FARP1: variants seen among roughly 807,000 people sequenced by gnomAD.
The protein encoded by FARP1 is FERM, ARH/RhoGEF and pleckstrin domain protein 1.
A neutral mutation model predicts 128.8 loss-of-function variants in FARP1; 52 were observed. The observed-to-expected ratio is 0.40, with a 90% CI of 0.32 to 0.51. The LOEUF (loss-of-function observed/expected upper bound fraction) is 0.51, where lower values mean the gene tolerates loss of function less well. FARP1 is among the 20% of genes least tolerant of loss of function. The pLI, the probability that FARP1 is intolerant of heterozygous loss-of-function variation, is 0.45. For missense variants in FARP1, 1,333 were observed against 1,367.9 expected (o/e 0.97, Z 0.40); for synonymous variants, 580 against 551.8 (o/e 1.05, Z -0.72).
At chr13:98,381,408 G>A (rs935681802) in intron 6 of FARP1, 3 of 152,148 alleles carry the variant, frequency 2.0e-5, no homozygotes, top group African/African-American at 4.8e-5. Context: ...ATCTGCTGTC[G>A]TCTTATTTTC....
At chr13:98,397,710 G>A (rs1417637650) in intron 13 of FARP1, 1 of 151,904 alleles carries the variant, frequency 6.6e-6, no homozygotes, top group East Asian at 1.9e-4. Flanking sequence ...GTGCTCCTTG[G>A]GCTTCCCAGC....
chr13:98,440,768 A>G lies in FARP1; in HGVS notation c.2728A>G (p.Thr910Ala). 1.2e-6 allele frequency: 2 copies of G among 1,613,298 alleles called. No individual in the cohort carries two copies. The highest frequency in any genetic ancestry group is 1.7e-6 in the Non-Finnish European group (2 of 1,179,952). ...LERQAPHRGN[T>A]MVHVCWHRNT... ...GCGCCAGGCCCCGCACCGCGGCAACACAATGGTGCACGTGTGCTGGCACCG... is the reference window on the plus strand; with the variant it reads ...GCGCCAGGCCCCGCACCGCGGCAACGCAATGGTGCACGTGTGCTGGCACCG... The change falls in exon 24 of 27, where the codon ACA becomes GCA. Residue 910 changes from threonine to alanine, a missense_variant. Around this residue, in one of 2 missense-constraint regions of FARP1, gnomAD observed 1,009 missense variants for 969.8 expected, o/e 1.04. Transcript: ENST00000319562.
At chr13:98,208,092 A>G (rs1163146658) in intron 1 of FARP1, among the ~76,000 whole-genome samples, 2 of 152,120 alleles carry the variant, frequency 1.3e-5, no homozygotes, top group African/African-American at 4.8e-5. Flanking sequence ...GAACCAAAGC[A>G]GAGATCACAC....
intron 13 of FARP1, chr13:98,405,051 C>G (rs941261505): frequency 9.9e-5 from 15 of 152,152 alleles, no homozygotes; most frequent in African/African-American, 3.4e-4. Flanking sequence ...AAATGTTTTT[C>G]TTTTCCCAGA....
intron 9 of FARP1, 73 bp from the exon 10 acceptor site, chr13:98,389,884 G>A: frequency 7.0e-7 from 1 of 1,430,032 alleles, no homozygotes. Context: ...GCTATCTTCT[G>A]CCCCTTTTCT....
At chr13:98,202,145 T>G (rs999513268) in intron 1 of FARP1, among the ~76,000 whole-genome samples, 1 of 152,202 alleles carries the variant, frequency 6.6e-6, no homozygotes, top group African/African-American at 2.4e-5. Flanking sequence ...TTCTAGTTTA[T>G]CTCCACCCCA....
intron 2 of FARP1, among the ~76,000 whole-genome samples, chr13:98,276,737 G>A (rs1884671065): frequency 1.3e-5 from 2 of 152,180 alleles, no homozygotes. Flanking sequence ...AAGAATAAAT[G>A]AACCATAATA....
chr13:98,177,654 A>G (rs1878186487), intron 1 of FARP1, among the ~76,000 whole-genome samples: 2 of 117,036 alleles, frequency 1.7e-5, no homozygotes, highest in Admixed American at 1.7e-4. Flanking sequence ...CTCAAATTAA[A>G]AAAAAAAAAA....
intron 1 of FARP1, among the ~76,000 whole-genome samples, chr13:98,149,013 A>G (rs1369420647): frequency 6.6e-6 from 1 of 151,990 alleles, no homozygotes; most frequent in Non-Finnish European, 1.5e-5. Context: ...CGGCCTCCCA[A>G]GTAGCTGGAA....
At chr13:98,414,025 C>T (rs1891287795) in intron 16 of FARP1, among the ~76,000 whole-genome samples, 1 of 152,124 alleles carries the variant, frequency 6.6e-6, no homozygotes, top group African/African-American at 2.4e-5. Flanking sequence ...TGGCTGGCTC[C>T]CCATTGGAGG....
At chr13:98,381,849 A>G (rs546184456) in intron 6 of FARP1, among the ~76,000 whole-genome samples, 1 of 152,304 alleles carries the variant, frequency 6.6e-6, no homozygotes, top group South Asian at 2.1e-4. Context: ...TTCAGCATAA[A>G]ACATTTAAAA....
chr13:98,221,686 ATTTTC>A (rs1250601758), intron 2 of FARP1, among the ~76,000 whole-genome samples: 2 of 152,010 alleles, frequency 1.3e-5, no homozygotes, highest in African/African-American at 4.8e-5. Context: ...GATCTCCTCT[ATTTTC>A]TTAGCTTCAA....
At chr13:98,386,196 T>C (rs1457610015) in intron 8 of FARP1, among the ~76,000 whole-genome samples, 50 of 151,370 alleles carry the variant, frequency 3.3e-4, no homozygotes, top group Admixed American at 2.6e-3. Flanking sequence ...CCTTTTTTTT[T>C]TTTTTTTTTT....
At chr13:98,185,155 G>T (rs567828644) in intron 1 of FARP1, among the ~76,000 whole-genome samples, 3 of 152,230 alleles carry the variant, frequency 2.0e-5, no homozygotes, top group African/African-American at 7.2e-5. Context: ...TGATTTTTGA[G>T]TATTCATTAC....
Position 98,448,393 on chromosome 13 carries a change from GTAAAATTA to G in FARP1, c.*77_*84del. Reference sequence around the variant, plus strand: ...CTTTCTTCTGTATTAATGAAGCCTGGTAAAATTAACACCTGTCTGAAAATCAAAAACAT... The same window carrying G: ...CTTTCTTCTGTATTAATGAAGCCTGGACACCTGTCTGAAAATCAAAAACAT... On this transcript the variant is annotated 3_prime_UTR_variant, in exon 27 of 27. Transcript: ENST00000319562. 1 of 1,180,012 alleles carries G rather than the reference GTAAAATTA, an allele frequency of 8.5e-7. No individual in the cohort carries two copies. The highest frequency in any genetic ancestry group is 1.5e-5 in the African/African-American group (1 of 66,266). 73.1% of individuals were successfully genotyped at this position (1,180,012 alleles called of 1,614,324 possible). A position where few individuals can be genotyped will look rare whatever the true frequency, so the allele number is the denominator to read the frequency against.
intron 1 of FARP1, among the ~76,000 whole-genome samples, chr13:98,148,746 G>C (rs918991418): frequency 5.3e-5 from 8 of 152,150 alleles, no homozygotes; most frequent in African/African-American, 1.9e-4. Flanking sequence ...TATTGTTCCT[G>C]TATTAATCAG....
intron 16 of FARP1, among the ~76,000 whole-genome samples, chr13:98,417,484 A>AAAAAAAAAG (rs1566305247): frequency 7.2e-6 from 1 of 138,402 alleles, no homozygotes; most frequent in Non-Finnish European, 1.6e-5. Flanking sequence ...AAAAAAAAAA[A>AAAAAAAAAG]GAACACATGG....
intron 2 of FARP1, among the ~76,000 whole-genome samples, chr13:98,247,194 A>G (rs2139474790): frequency 6.6e-6 from 1 of 152,302 alleles, no homozygotes; most frequent in Non-Finnish European, 1.5e-5. Context: ...GTGAGCTGAG[A>G]TCGCACCACT....
intron 3 of FARP1, among the ~76,000 whole-genome samples, chr13:98,363,760 A>G (rs1179677196): frequency 6.6e-6 from 1 of 151,892 alleles, no homozygotes; most frequent in African/African-American, 2.4e-5. Context: ...TTCTTTTTTC[A>G]AGACAGAGTC....
Sources: allele counts gnomAD v4.1 joint callset (sites outside exome capture counted in the v4.1 genomes callset), GRCh38; gene constraint gnomAD v4.1.1; regional missense constraint gnomAD v4.1.1; transcripts MANE v1.5; gene names NCBI Gene and HGNC (gene_info 2026-07-23, HGNC 2026-07-21).